Variants in C19orf47 observed in about 807,000 individuals in gnomAD.
C19orf47 encodes uncharacterized protein C19orf47.
Under a neutral mutation model 32.3 loss-of-function variants are expected in C19orf47, and 18 were observed. That is an observed-to-expected ratio of 0.56 (90% CI 0.39 to 0.83). C19orf47 has a LOEUF of 0.83. C19orf47 is among the 40% of genes least tolerant of loss of function. The pLI is 0.00. For missense variants in C19orf47, 484 were observed against 531.6 expected (o/e 0.91, Z 0.88); for synonymous variants, 202 against 211.1 (o/e 0.96, Z 0.37).
At chr19:40,341,772 C>G (rs975288608) in intron 2 of C19orf47, 67 bp downstream of exon 2, 31 of 1,533,186 alleles carry the variant, frequency 2.0e-5, no homozygotes, top group South Asian at 4.8e-5. Flanking sequence ...CATCATCCCC[C>G]ACCAAGGCCA....
rs1568602956 is a variant in C19orf47, at chr19:40,322,070, G to C, written c.970C>G (p.Leu324Val). Residue 324 changes from leucine (L) to valine (V), a missense_variant, in exon 9 of 9, where the codon CTT becomes GTT. Coordinates refer to ENST00000683109, the MANE Select transcript of C19orf47 (RefSeq NM_001256441.2). The stretch of plus-strand genomic sequence containing the variant: ...TGGCTGTCCTGGGCCTCGGGCACAA[G>C]GGCAGCTGCGCCCAGTCTCTTGATG... ...SIIKRLGAAA[L>V]VPEAQDSQVT... is the part of the protein sequence containing the mutation. 1 of 1,614,178 alleles carries C rather than the reference G, an allele frequency of 6.2e-7. No individual in the cohort carries two copies. The highest frequency in any genetic ancestry group is 8.5e-7 in the Non-Finnish European group (1 of 1,180,038).
At chr19:40,338,746 G>A (rs1469299792) in intron 2 of C19orf47, among the ~76,000 whole-genome samples, 1 of 151,834 alleles carries the variant, frequency 6.6e-6, no homozygotes, top group Non-Finnish European at 1.5e-5. Flanking sequence ...TCAAACTCCT[G>A]GACTCAAGCG....
chr19:40,329,473 T>C (rs2077903485), intron 5 of C19orf47, among the ~76,000 whole-genome samples: 1 of 151,852 alleles, frequency 6.6e-6, no homozygotes, highest in Non-Finnish European at 1.5e-5. Context: ...ACTACTGCAC[T>C]CCAGCCTGGG....
downstream of C19orf47, among the ~76,000 whole-genome samples, chr19:40,316,595 A>G (rs2077663698): frequency 6.6e-6 from 1 of 152,150 alleles, no homozygotes; most frequent in Admixed American, 6.6e-5. Context: ...CAACTCCTCC[A>G]GCGGTCTCCA....
the C19orf47 span, among the ~76,000 whole-genome samples, chr19:40,305,148 G>A: frequency 6.6e-6 from 1 of 152,114 alleles, no homozygotes; most frequent in Admixed American, 6.6e-5. Flanking sequence ...TTCGACACCA[G>A]CCTGGCCAAC....
At chr19:40,334,035 C>G in intron 4 of C19orf47, 106 bp from the exon 5 acceptor site, 1 of 777,828 alleles carries the variant, frequency 1.3e-6, no homozygotes. Context: ...AGAGAAGATT[C>G]TAACACATTT....
chr19:40,326,289 G>A (rs2077826479), intron 7 of C19orf47, 45 bp downstream of exon 7: 2 of 1,608,928 alleles, frequency 1.2e-6, no homozygotes, highest in East Asian at 4.5e-5. Flanking sequence ...TGCAGAGGGA[G>A]GGACATGGAC....
intron 4 of C19orf47, among the ~76,000 whole-genome samples, chr19:40,334,476 G>A (rs764904037): frequency 4.6e-5 from 7 of 151,746 alleles, no homozygotes; most frequent in Non-Finnish European, 7.4e-5. Flanking sequence ...GGCCAGGTAC[G>A]GTGGCTCACA....
rs1421360882 is a variant in C19orf47 at position 40,336,212 on chromosome 19, G to A, written c.120C>T (p.Ser40=). ...VMFVDNRIQK[S]MLLDLNKEIM... is the part of the protein sequence containing the mutation. ...TCTCCTTATTGAGATCCAGCAGCATGCTCTTCTGAATCCTGCAGGGAAAGG... is the reference window on the plus strand; with the variant it reads ...TCTCCTTATTGAGATCCAGCAGCATACTCTTCTGAATCCTGCAGGGAAAGG... Residue 40 remains serine, a synonymous_variant, in exon 4 of 9, where the codon AGC becomes AGT. Transcript: ENST00000683109. 2.5e-6 allele frequency: 4 copies of A among 1,614,200 alleles called. No homozygotes were observed. Among genetic ancestry groups the A allele is most frequent in the Non-Finnish European group, 3.4e-6 (4 of 1,180,018 alleles).
chr19:40,345,155 C>T (rs1451687694), intron 1 of C19orf47, among the ~76,000 whole-genome samples: 1 of 152,074 alleles, frequency 6.6e-6, no homozygotes, highest in Non-Finnish European at 1.5e-5. Flanking sequence ...TGCTACAGAC[C>T]CTACTGAATT....
intron 1 of C19orf47, among the ~76,000 whole-genome samples, chr19:40,343,987 G>T (rs1185707860): frequency 6.6e-6 from 1 of 151,356 alleles, no homozygotes; most frequent in Non-Finnish European, 1.5e-5. Context: ...GTACAGATGG[G>T]GTTTCACCAT....
the C19orf47 span, among the ~76,000 whole-genome samples, chr19:40,313,443 G>A: frequency 5.9e-5 from 9 of 152,050 alleles, no homozygotes; most frequent in Non-Finnish European, 1.3e-4. Flanking sequence ...TCCTGCCTCA[G>A]CCACCCAAGC....
At chr19:40,306,212 A>C in the C19orf47 span, among the ~76,000 whole-genome samples, 1 of 151,974 alleles carries the variant, frequency 6.6e-6, no homozygotes, top group South Asian at 2.1e-4. Flanking sequence ...ACTACACACA[A>C]GTGTCCTGAG....
At chr19:40,296,171 AT>A in the C19orf47 span, among the ~76,000 whole-genome samples, 4 of 152,360 alleles carry the variant, frequency 2.6e-5, no homozygotes, top group East Asian at 7.7e-4. Context: ...AAGCTAGATC[AT>A]ATAGCCTACT....
chr19:40,326,516 T>C lies in C19orf47; in HGVS notation c.440-30A>G, dbSNP rs73557755. 746 of 1,603,972 alleles carry C rather than the reference T, an allele frequency of 4.7e-4. 3 individuals are homozygous for C. In the African/African-American group the frequency reaches 9.1e-3, roughly 19 times the overall value. On this transcript the variant is annotated intron_variant, in intron 6 of 8. Coordinates refer to ENST00000683109, the MANE Select transcript of C19orf47 (RefSeq NM_001256441.2). ...GGGAAGAAAGCAGGGGTATCAGCACTCTCTGAGACAGAACGTTCTCCCAGG... is the reference window on the plus strand; with the variant it reads ...GGGAAGAAAGCAGGGGTATCAGCACCCTCTGAGACAGAACGTTCTCCCAGG...
chr19:40,345,258 C>G (rs1031839593), intron 1 of C19orf47, among the ~76,000 whole-genome samples: 1 of 152,078 alleles, frequency 6.6e-6, no homozygotes, highest in Non-Finnish European at 1.5e-5. Context: ...GACAGCAGCT[C>G]CCAAAACTCA....
downstream of C19orf47, among the ~76,000 whole-genome samples, chr19:40,315,737 C>A (rs1282923058): frequency 6.6e-6 from 1 of 151,274 alleles, no homozygotes; most frequent in Admixed American, 6.6e-5. Flanking sequence ...CCGAGATCAC[C>A]CCACTGCACT....
At chr19:40,335,247 C>T (rs1568618789) in intron 4 of C19orf47, among the ~76,000 whole-genome samples, 3 of 152,168 alleles carry the variant, frequency 2.0e-5, no homozygotes, top group Non-Finnish European at 4.4e-5. Context: ...CAAAGAGATC[C>T]AGGAAGGTGG....
chr19:40,323,650 G>A (rs973575698), intron 8 of C19orf47, among the ~76,000 whole-genome samples: 6 of 152,204 alleles, frequency 3.9e-5, no homozygotes, highest in Non-Finnish European at 5.9e-5. Flanking sequence ...GGTGGCAGAG[G>A]AGGGAGAGAC....
Sources: gnomAD v4.1 joint callset for allele counts (sites outside exome capture counted in the v4.1 genomes callset) on GRCh38, gnomAD v4.1.1 for gene constraint, MANE v1.5 for transcripts, NCBI Gene and HGNC (gene_info 2026-07-23, HGNC 2026-07-21) for gene names.